The following DRAP1 variants were observed in gnomAD, a reference collection of about 807,000 sequenced individuals.
DRAP1 encodes DR1 associated protein 1.
A neutral mutation model predicts 24.1 loss-of-function variants in DRAP1; 10 were observed. That is an observed-to-expected ratio of 0.41 (90% CI 0.26 to 0.70). The LOEUF (loss-of-function observed/expected upper bound fraction) is 0.70. DRAP1 is among the 30% of genes least tolerant of loss of function. The pLI, the probability that DRAP1 is intolerant of heterozygous loss-of-function variation, is 0.29. For synonymous variants in DRAP1, 122 were observed against 113.8 expected (o/e 1.07, Z -0.46); for missense variants, 264 against 275.6 (o/e 0.96, Z 0.30).
At chr11:65,921,309 C>T (rs765535025) in intron 6 of DRAP1, 21 bp from the exon 7 acceptor site, 3 of 1,493,874 alleles carry the variant, frequency 2.0e-6, no homozygotes, top group Non-Finnish European at 2.8e-6. Flanking sequence ...GCCTGACTCT[C>T]TCCTGCCTTC....
At position 65,920,612 on chromosome 11, in the gene DRAP1, G is replaced by A; in HGVS notation, c.373G>A (p.Gly125Arg). 6.4e-7 allele frequency: 1 copy of A among 1,551,898 alleles called. No homozygotes were observed. The highest frequency in any genetic ancestry group is 8.7e-7 in the Non-Finnish European group (1 of 1,148,550). The stretch of plus-strand genomic sequence containing the variant: ...CGGCGGCCGGAAGAACGGTGGGATG[G>A]GAACGAAAAGCAAGGACAAGAAGCT... Reference protein sequence around the residue: ...GSGGRKNGGMGTKSKDKKLSG... With the variant: ...GSGGRKNGGMRTKSKDKKLSG... Residue 125 changes from glycine (G) to arginine (R), a missense_variant, in exon 5 of 7, where the codon GGA becomes AGA. Physicochemically the swap from Gly to Arg is moderately radical, Grantham distance 125. Around this residue, in one of 2 missense-constraint regions of DRAP1, gnomAD observed 243 missense variants for 233.6 expected, o/e 1.04. Transcript: ENST00000312515.
Position 65,919,555 on chromosome 11 carries a change from G to A in DRAP1, c.42+12G>A. 1.3e-6 allele frequency: 2 copies of A among 1,548,294 alleles called. No individual in the cohort carries two copies. Among genetic ancestry groups the A allele is most frequent in the East Asian group, 2.5e-5 (1 of 40,684 alleles). ...CGCGGTTCCCGCCGGTGAGCACGTG[G>A]CAGAGCCCGGCAGGAGTGGGCCCGG... is the stretch of plus-strand genomic sequence containing the variant. On this transcript the variant is annotated intron_variant, in intron 1 of 6. Coordinates refer to ENST00000312515, the MANE Select transcript of DRAP1 (RefSeq NM_006442.4).
intron 6 of DRAP1, 87 bp downstream of exon 6, chr11:65,921,059 T>C: frequency 9.6e-7 from 1 of 1,045,698 alleles, no homozygotes; most frequent in Non-Finnish European, 1.4e-6. Flanking sequence ...CTTGGTCTTG[T>C]TGATTGTGGC....
Position 65,919,435 on chromosome 11 carries a change from G to A in DRAP1, c.-67G>A. 1 of 1,477,528 alleles carries A rather than the reference G, an allele frequency of 6.8e-7. No homozygotes were observed. The highest frequency in any genetic ancestry group is 9.0e-7 in the Non-Finnish European group (1 of 1,115,612). The allele number at this position is 1,477,528 out of a possible 1,614,324, so 91.5% of individuals were successfully genotyped here. On this transcript the variant is annotated 5_prime_UTR_variant, in exon 1 of 7. Transcript: ENST00000312515. ...GGGAACCGCGACGGGCGGGCGGCGAGCAGGCCCGGGAGCCGGGAGGCTGCG... is the reference window on the plus strand; with the variant it reads ...GGGAACCGCGACGGGCGGGCGGCGAACAGGCCCGGGAGCCGGGAGGCTGCG...
Position 65,919,773 on chromosome 11 carries a change from C to G in DRAP1, c.43-7C>G. The G allele has an allele frequency of 6.2e-7, 1 of 1,613,036 alleles. No individual in the cohort carries two copies. The highest frequency in any genetic ancestry group is 8.5e-7 in the Non-Finnish European group (1 of 1,179,944). ...ACGGGGTCTGAACTCTGCTCCCCCA[C>G]CCGCAGGCGCGGATCAAGAAGATCA... On this transcript the variant is annotated splice_region_variant and splice_polypyrimidine_tract_variant and intron_variant, in intron 1 of 6. Transcript: ENST00000312515.
Position 65,920,657 on chromosome 11 carries a change from C to T in DRAP1, c.418C>T (p.Gln140Ter). Reference protein sequence around the residue: ...DKKLSGTDSEQEDESEDTDTD... With the variant: ...DKKLSGTDSE ...GAAGCTGTCCGGGACAGACTCGGAGCAGGAGGTGAGTGAGGCCCCAGCCCT... is the reference window on the plus strand; with the variant it reads ...GAAGCTGTCCGGGACAGACTCGGAGTAGGAGGTGAGTGAGGCCCCAGCCCT... The change falls in exon 5 of 7, where the codon CAG (glutamine) becomes TAG (stop). Residue 140 changes from glutamine (Q) to a stop codon, truncating the protein, a stop_gained. Transcript: ENST00000312515. LOFTEE classifies it high-confidence loss of function. The T allele has an allele frequency of 6.7e-7, 1 of 1,487,670 alleles. No homozygotes were observed. Among genetic ancestry groups the T allele is most frequent in the Non-Finnish European group, 9.0e-7 (1 of 1,114,248 alleles). The allele number at this position is 1,487,670 out of a possible 1,614,324, so 92.2% of individuals were successfully genotyped here. A position where few individuals can be genotyped will look rare whatever the true frequency, so the allele number is the denominator to read the frequency against.
Position 65,921,414 on chromosome 11 carries a change from C to A in DRAP1, c.597C>A (p.Asp199Glu), listed in dbSNP as rs371695352. Residue 199 changes from aspartate to glutamate, a missense_variant, in exon 7 of 7, where the codon GAC (aspartate) becomes GAA (glutamate). Physicochemically the swap from Asp to Glu is conservative, Grantham distance 45 (BLOSUM62 2). This residue lies in a region of DRAP1 where 243 missense variants were observed against 233.6 expected (regional missense o/e 1.04). Transcript: ENST00000312515. Reference sequence around the variant, plus strand: ...GCCCCTCAGCACCTGATGAAGAGGACGAAGAAGATTACGACTCCTAGCGCC... The same window carrying A: ...GCCCCTCAGCACCTGATGAAGAGGAAGAAGAAGATTACGACTCCTAGCGCC... Reference protein sequence around the residue: ...PPGPSAPDEEDEEDYDS With the variant: ...PPGPSAPDEEEEEDYDS 6.2e-7 allele frequency: 1 copy of A among 1,608,548 alleles called. No individual in the cohort carries two copies. The highest frequency in any genetic ancestry group is 8.5e-7 in the Non-Finnish European group (1 of 1,175,210).
At chr11:65,919,921 C>T in intron 2 of DRAP1, 27 bp from the exon 3 acceptor site, 1 of 1,613,724 alleles carries the variant, frequency 6.2e-7, no homozygotes, top group Non-Finnish European at 8.5e-7. Context: ...CCTCTCCTGC[C>T]CCGGAGTTCT....
In DRAP1 at chr11:65,919,440, C is replaced by G. The variant is rs1216850179; in HGVS notation, c.-62C>G. On this transcript the variant is annotated 5_prime_UTR_variant, in exon 1 of 7. Transcript: ENST00000312515. ...CCGCGACGGGCGGGCGGCGAGCAGG[C>G]CCGGGAGCCGGGAGGCTGCGGGCGG... The G allele has an allele frequency of 6.7e-7, 1 of 1,502,626 alleles. No individual in the cohort carries two copies. The highest frequency in any genetic ancestry group is 2.8e-5 in the East Asian group (1 of 35,982). The allele number at this position is 1,502,626 out of a possible 1,614,324, so 93.1% of individuals were successfully genotyped here.
chr11:65,919,497 C>G lies in DRAP1; in HGVS notation c.-5C>G, dbSNP rs1016005491. 6.5e-7 allele frequency: 1 copy of G among 1,542,236 alleles called. No homozygotes were observed. The highest frequency in any genetic ancestry group is 1.4e-5 in the African/African-American group (1 of 71,620). On this transcript the variant is annotated 5_prime_UTR_variant, in exon 1 of 7. Transcript: ENST00000312515. ...TGGACCCGACGCGGCGAGAGAGGCC[C>G]CGAGATGCCGAGCAAGAAGAAGAAG... is the stretch of plus-strand genomic sequence containing the variant.
In DRAP1 at chr11:65,920,658, A is replaced by C; in HGVS notation, c.419A>C (p.Gln140Pro). ...AAGCTGTCCGGGACAGACTCGGAGC[A>C]GGAGGTGAGTGAGGCCCCAGCCCTT... The part of the protein sequence containing the change: ...DKKLSGTDSE[Q>P]EDESEDTDTD... Residue 140 changes from glutamine to proline, a missense_variant, in exon 5 of 7, where the codon CAG becomes CCG. Around this residue, in one of 2 missense-constraint regions of DRAP1, gnomAD observed 243 missense variants for 233.6 expected, o/e 1.04. Transcript: ENST00000312515. 2 of 1,486,062 alleles carry C rather than the reference A, an allele frequency of 1.3e-6. No homozygotes were observed. The highest frequency in any genetic ancestry group is 1.8e-6 in the Non-Finnish European group (2 of 1,113,568). The allele number at this position is 1,486,062 out of a possible 1,614,324, so 92.1% of individuals were successfully genotyped here. A position where few individuals can be genotyped will look rare whatever the true frequency, so the allele number is the denominator to read the frequency against.
intron 6 of DRAP1, 136 bp from the exon 7 acceptor site, chr11:65,921,194 G>A: frequency 1.4e-6 from 1 of 709,612 alleles, no homozygotes; most frequent in South Asian, 1.8e-5. Flanking sequence ...TGCGTGAGCT[G>A]CCCTGGGCCT....
Position 65,921,462 on chromosome 11 carries a change from C to T in DRAP1, c.*27C>T. ...GCCTTCTGCCCCCCAGACCATAGCC[C>T]CTTTTAGTTGGTTTTAGTTGCTCTG... is the stretch of plus-strand genomic sequence containing the variant. On this transcript the variant is annotated 3_prime_UTR_variant, in exon 7 of 7. Coordinates refer to ENST00000312515, the MANE Select transcript of DRAP1 (RefSeq NM_006442.4). 1.6e-6 allele frequency: 2 copies of T among 1,256,494 alleles called. No homozygotes were observed. Among genetic ancestry groups the T allele is most frequent in the Non-Finnish European group, 2.3e-6 (2 of 863,472 alleles). 77.8% of individuals were successfully genotyped at this position (1,256,494 alleles called of 1,614,324 possible).
chr11:65,921,479 G>A lies in DRAP1; in HGVS notation c.*44G>A, dbSNP rs1854550490. On this transcript the variant is annotated 3_prime_UTR_variant, in exon 7 of 7. Coordinates refer to ENST00000312515, the MANE Select transcript of DRAP1 (RefSeq NM_006442.4). ...CCATAGCCCCTTTTAGTTGGTTTTA[G>A]TTGCTCTGGGGGGAGGAGAGAAGGT... is the stretch of plus-strand genomic sequence containing the variant. 1.0e-6 allele frequency: 1 copy of A among 975,208 alleles called. No homozygotes were observed. Among genetic ancestry groups the A allele is most frequent in the Admixed American group, 1.9e-5 (1 of 52,376 alleles). The allele number at this position is 975,208 out of a possible 1,614,324, so 60.4% of individuals were successfully genotyped here. A position where few individuals can be genotyped will look rare whatever the true frequency, so the allele number is the denominator to read the frequency against.
At position 65,919,866 on chromosome 11, in the gene DRAP1, G is replaced by A. The variant is rs1413906574; in HGVS notation, c.115+14G>A. On this transcript the variant is annotated intron_variant, in intron 2 of 6. Coordinates refer to ENST00000312515, the MANE Select transcript of DRAP1 (RefSeq NM_006442.4). ...CTGTCATCATCTGTATCCTGCCGGG[G>A]GCGGACCGGGTCGAGGGGCGTGGGG... The A allele has an allele frequency of 2.2e-5, 36 of 1,613,132 alleles. No homozygotes were observed. Among genetic ancestry groups the A allele is most frequent in the African/African-American group, 4.0e-5 (3 of 74,944 alleles).
rs1266391626 is a variant in DRAP1, at chr11:65,920,049, G to A, written c.209+8G>A. ...CATGACCACATCCCACCTGTGAGCG[G>A]CGAGGAGCCGGGAGGGGCCGGCGGG... is the stretch of plus-strand genomic sequence containing the variant. On this transcript the variant is annotated splice_region_variant and intron_variant, in intron 3 of 6. Transcript: ENST00000312515. The A allele has an allele frequency of 1.2e-6, 2 of 1,612,424 alleles. No homozygotes were observed. Among genetic ancestry groups the A allele is most frequent in the Non-Finnish European group, 1.7e-6 (2 of 1,179,382 alleles).
chr11:65,919,482 G>A lies in DRAP1; in HGVS notation c.-20G>A. The A allele has an allele frequency of 6.5e-7, 1 of 1,532,202 alleles. No homozygotes were observed. Among genetic ancestry groups the A allele is most frequent in the Non-Finnish European group, 8.8e-7 (1 of 1,140,198 alleles). 94.9% of individuals were successfully genotyped at this position (1,532,202 alleles called of 1,614,324 possible). ...TGCGGGCGGCGGCGCTGGACCCGACGCGGCGAGAGAGGCCCCGAGATGCCG... is the reference window on the plus strand; with the variant it reads ...TGCGGGCGGCGGCGCTGGACCCGACACGGCGAGAGAGGCCCCGAGATGCCG... On this transcript the variant is annotated 5_prime_UTR_variant, in exon 1 of 7. Transcript: ENST00000312515.
intron 3 of DRAP1, 43 bp downstream of exon 3, chr11:65,920,084 G>A (rs749861264): frequency 6.3e-7 from 1 of 1,597,606 alleles, no homozygotes; most frequent in Non-Finnish European, 8.5e-7. Flanking sequence ...GTTTGGCGCG[G>A]GGAGTTCACA....
At chr11:65,921,054 T>TCTCCCTGGCCC in intron 6 of DRAP1, 82 bp downstream of exon 6, 1 of 1,097,898 alleles carries the variant, frequency 9.1e-7, no homozygotes, top group Non-Finnish European at 1.3e-6. Context: ...GGCCCCTTGG[T>TCTCCCTGGCCC]CTTGTTGATT....
Sources: allele counts gnomAD v4.1 joint callset, GRCh38; gene constraint gnomAD v4.1.1; regional missense constraint gnomAD v4.1.1; transcripts MANE v1.5; gene names NCBI Gene and HGNC (gene_info 2026-07-23, HGNC 2026-07-21).